Variants in ZBTB44 observed in about 807,000 individuals in gnomAD.
The protein encoded by ZBTB44 is zinc finger and BTB domain containing 44.
Under a neutral mutation model 54.0 loss-of-function variants are expected in ZBTB44, and 15 were observed. The ratio of observed to expected loss-of-function variants is 0.28; its 90% confidence interval spans 0.19 to 0.43. The LOEUF is 0.43. Among genes scored for constraint, ZBTB44 ranks in the 20% least tolerant of loss-of-function variants. The probability of loss-of-function intolerance (pLI) is 1.00; values close to 1 mark genes in which losing one functional copy is unlikely to be tolerated. For synonymous variants in ZBTB44, 230 were observed against 250.1 expected, an observed-to-expected ratio of 0.92 and a Z score of 0.76; for missense variants, 487 against 707.1, an observed-to-expected ratio of 0.69 and a Z score of 3.53.
chr11:130,300,937 T>C (rs141940700), intron 1 of ZBTB44, among the ~76,000 whole-genome samples: 229 of 152,300 alleles, frequency 1.5e-3, no homozygotes, highest in African/African-American at 5.1e-3. Flanking sequence ...TACTGATTTT[T>C]TACAGAATGG....
At position 130,295,437 on chromosome 11, in the gene ZBTB44, G is replaced by A. The variant is rs574974367; in HGVS notation, c.-57+18938C>T. ...TGATGCTGGGACTGATACAAAAAAA[G>A]CAAAAACTGAAAACAAAGAGGAATC... On this transcript the variant is annotated intron_variant, in intron 1 of 7. Transcript: ENST00000357899. Among the ~76,000 whole-genome samples the A allele has an allele frequency of 2.2e-4, 33 of 152,110 alleles. No homozygotes were observed. In the East Asian group the frequency reaches 6.2e-3, roughly 29 times the overall value.
chr11:130,314,745 G>A lies in ZBTB44; in HGVS notation c.-427C>T, dbSNP rs1368214640. 3 of 150,224 alleles carry A rather than the reference G, an allele frequency of 2.0e-5. No individual in the cohort carries two copies. The highest frequency in any genetic ancestry group is 3.0e-5 in the Non-Finnish European group (2 of 67,350). The allele number at this position is 150,224 out of a possible 1,614,324, so 9.3% of individuals were successfully genotyped here. A position where few individuals can be genotyped will look rare whatever the true frequency, so the allele number is the denominator to read the frequency against. ...GGCAGGCGGTTGTTTGGGGAGCGCG[G>A]CGACGGCTCGCGTGTTCCCAGCGGG... On this transcript the variant is annotated 5_prime_UTR_variant, in exon 1 of 8. Coordinates refer to ENST00000357899, the MANE Select transcript of ZBTB44 (RefSeq NM_001301098.2).
At chr11:130,279,142 A>C (rs536386717) in intron 1 of ZBTB44, among the ~76,000 whole-genome samples, 8 of 152,100 alleles carry the variant, frequency 5.3e-5, no homozygotes, top group African/African-American at 1.9e-4. Context: ...TTATTTTAGC[A>C]AAGTCTATTT....
At chr11:130,295,951 A>G (rs1438290580) in intron 1 of ZBTB44, 2 of 1,529,986 alleles carry the variant, frequency 1.3e-6, no homozygotes, top group African/African-American at 2.7e-5. Context: ...TGCTAATGGG[A>G]TCAACATCAC....
intron 1 of ZBTB44, among the ~76,000 whole-genome samples, chr11:130,308,102 CA>C (rs1386648610): frequency 3.3e-5 from 5 of 152,178 alleles, no homozygotes; most frequent in Non-Finnish European, 4.4e-5. Context: ...CACTGCATTA[CA>C]AAAGCCTACA....
At chr11:130,280,532 A>C (rs961754345) in intron 1 of ZBTB44, among the ~76,000 whole-genome samples, 1 of 152,232 alleles carries the variant, frequency 6.6e-6, no homozygotes, top group Non-Finnish European at 1.5e-5. Context: ...CAGCCATCAC[A>C]AAACTAGTAG....
chr11:130,288,654 T>G (rs1592041179), intron 1 of ZBTB44, among the ~76,000 whole-genome samples: 1 of 150,064 alleles, frequency 6.7e-6, no homozygotes, highest in Middle Eastern at 3.5e-3. Flanking sequence ...TCCCAGCACT[T>G]TGGGAGGCCG....
At position 130,231,236 on chromosome 11, in the gene ZBTB44, C is replaced by G. The variant is rs1192250526; in HGVS notation, c.*528G>C. The G allele has an allele frequency of 6.6e-6, 1 of 151,976 alleles. No homozygotes were observed. The highest frequency in any genetic ancestry group is 1.5e-5 in the Non-Finnish European group (1 of 67,944). 9.4% of individuals were successfully genotyped at this position (151,976 alleles called of 1,614,324 possible). A position where few individuals can be genotyped will look rare whatever the true frequency, so the allele number is the denominator to read the frequency against. ...ACAATTATCCCTTGCAAATCTGTTT[C>G]CTAAAACAGATCCATAAACAGATCC... is the stretch of plus-strand genomic sequence containing the variant. On this transcript the variant is annotated 3_prime_UTR_variant, in exon 8 of 8. Coordinates refer to ENST00000357899, the MANE Select transcript of ZBTB44 (RefSeq NM_001301098.2).
Position 130,289,742 on chromosome 11 carries a change from G to C in ZBTB44, c.-57+24633C>G, listed in dbSNP as rs145247108. On this transcript the variant is annotated intron_variant, in intron 1 of 7. Coordinates refer to ENST00000357899, the MANE Select transcript of ZBTB44 (RefSeq NM_001301098.2). ...CAAAGCAAGAACGTATGTCCTCAAG[G>C]ATGTCACTGAATTGCTAATTTAACC... 9.9e-4 allele frequency among the ~76,000 whole-genome samples: 151 copies of C among 152,226 alleles called. 2 individuals are homozygous for C. In the South Asian group the frequency reaches 0.017, roughly 17 times the overall value.
At chr11:130,280,049 A>T (rs973278280) in intron 1 of ZBTB44, among the ~76,000 whole-genome samples, 1 of 152,064 alleles carries the variant, frequency 6.6e-6, no homozygotes, top group African/African-American at 2.4e-5. Flanking sequence ...TCTAGGCTTG[A>T]CTCAATCATT....
chr11:130,237,306 G>T (rs1262216567), intron 4 of ZBTB44, among the ~76,000 whole-genome samples: 1 of 152,192 alleles, frequency 6.6e-6, no homozygotes, highest in African/African-American at 2.4e-5. Context: ...AAAGGCAGTA[G>T]GGGAGGCAAA....
Position 130,261,448 on chromosome 11 carries a change from A to T in ZBTB44, c.426T>A (p.Asp142Glu). The T allele has an allele frequency of 6.2e-7, 1 of 1,614,040 alleles. No individual in the cohort carries two copies. Among genetic ancestry groups the T allele is most frequent in the Non-Finnish European group, 8.5e-7 (1 of 1,179,902 alleles). ...AGTTAGAATTATTTTCTTGTCCAGCATCTAGACCCTTTTCAGGTTGGCTGT... is the reference window on the plus strand; with the variant it reads ...AGTTAGAATTATTTTCTTGTCCAGCTTCTAGACCCTTTTCAGGTTGGCTGT... The part of the protein sequence containing the change: ...TPNSQPEKGL[D>E]AGQENNSNCN... The change falls in exon 2 of 8, where the codon GAT becomes GAA. Residue 142 changes from aspartate to glutamate, a missense_variant. Asp to Glu is a conservative substitution (Grantham distance 45, BLOSUM62 2). Transcript: ENST00000357899. The surrounding 1 kb of genome is among the most constrained non-coding windows in gnomAD (Gnocchi z 4.8).
chr11:130,295,611 T>G, intron 1 of ZBTB44: 3 of 784,318 alleles, frequency 3.8e-6, no homozygotes, highest in Non-Finnish European at 4.4e-6. Flanking sequence ...CATAATATTG[T>G]CAATGAAAAC....
intron 1 of ZBTB44, among the ~76,000 whole-genome samples, chr11:130,287,401 TAA>T (rs558351117): frequency 1.7e-3 from 253 of 152,362 alleles, no homozygotes; most frequent in Admixed American, 6.2e-3. Flanking sequence ...TGTGGTCATG[TAA>T]GTCTTAGCTC....
At chr11:130,264,574 G>A (rs1939114446) in intron 1 of ZBTB44, among the ~76,000 whole-genome samples, 1 of 152,132 alleles carries the variant, frequency 6.6e-6, no homozygotes, top group African/African-American at 2.4e-5. Flanking sequence ...AGTACCTCCC[G>A]TAAGTCATGC....
chr11:130,269,827 A>G (rs1398100648), intron 1 of ZBTB44, among the ~76,000 whole-genome samples: 1 of 152,216 alleles, frequency 6.6e-6, no homozygotes, highest in Non-Finnish European at 1.5e-5. Flanking sequence ...CATAGAAATT[A>G]TACTTCCAAG....
intron 5 of ZBTB44, among the ~76,000 whole-genome samples, chr11:130,236,374 G>A (rs1954112709): frequency 1.3e-5 from 2 of 152,070 alleles, no homozygotes; most frequent in Admixed American, 6.6e-5. Flanking sequence ...CCTTTATATA[G>A]AATATTTTTA....
chr11:130,276,678 C>G (rs1201778272), intron 1 of ZBTB44, among the ~76,000 whole-genome samples: 1 of 152,092 alleles, frequency 6.6e-6, no homozygotes, highest in Admixed American at 6.5e-5. Flanking sequence ...ATCTGTCCGC[C>G]TCGGCCTCCC....
intron 1 of ZBTB44, among the ~76,000 whole-genome samples, chr11:130,271,616 T>C (rs535900373): frequency 9.8e-5 from 15 of 152,344 alleles, no homozygotes; most frequent in African/African-American, 2.6e-4. Context: ...ATGTGGACGT[T>C]TGGGGCTCAC....
Sources: gnomAD v4.1 joint callset for allele counts (sites outside exome capture counted in the v4.1 genomes callset) on GRCh38, gnomAD v4.1.1 for gene constraint, Gnocchi (gnomAD v3.1) non-coding constraint, MANE v1.5 for transcripts, NCBI Gene and HGNC (gene_info 2026-07-23, HGNC 2026-07-21) for gene names.